Variants in HPSE2 observed in about 807,000 individuals in gnomAD.
HPSE2 encodes inactive heparanase-2.
HPSE2 carries 38 observed loss-of-function variants against 60.5 expected under a neutral mutation model. The ratio of observed to expected loss-of-function variants is 0.63; its 90% CI spans 0.48 to 0.82. The LOEUF is 0.82. HPSE2 is among the 40% of genes least tolerant of loss of function. The probability of loss-of-function intolerance (pLI) is 0.00; values close to 1 mark genes in which losing one functional copy is unlikely to be tolerated. For synonymous variants in HPSE2, 295 were observed against 293.2 expected (o/e 1.01, Z -0.06); for missense variants, 713 against 740.4 (o/e 0.96, Z 0.43).
chr10:98,701,244 T>C lies in HPSE2; in HGVS notation c.957-7297A>G, dbSNP rs1005653598. Among the ~76,000 whole-genome samples, 25 of 121,226 alleles carry C rather than the reference T, an allele frequency of 2.1e-4. 1 individual carries two copies. The highest frequency in any genetic ancestry group is 6.2e-4 in the African/African-American group (23 of 36,838). 79.5% of individuals were successfully genotyped at this position (121,226 alleles called of 152,430 possible). A position where few individuals can be genotyped will look rare whatever the true frequency, so the allele number is the denominator to read the frequency against. The stretch of plus-strand genomic sequence containing the variant: ...AGCAAAGACTTGGAACCAACCCAAA[T>C]GTCCAACAATGATAGACTGGATTAA... On this transcript the variant is annotated intron_variant, in intron 5 of 11. Transcript: ENST00000370552.
At chr10:98,636,171 T>C (rs1345268892) in intron 7 of HPSE2, among the ~76,000 whole-genome samples, 1 of 152,134 alleles carries the variant, frequency 6.6e-6, no homozygotes, top group Non-Finnish European at 1.5e-5. Flanking sequence ...GGCTAGAAGA[T>C]TTCGAATGTT....
chr10:98,741,885 C>T (rs1949506175), intron 4 of HPSE2, among the ~76,000 whole-genome samples: 1 of 151,938 alleles, frequency 6.6e-6, no homozygotes, highest in South Asian at 2.1e-4. Flanking sequence ...AATATTTTGC[C>T]CTGTTTGGAG....
At chr10:98,956,848 C>T (rs1429203811) in intron 3 of HPSE2, among the ~76,000 whole-genome samples, 1 of 152,000 alleles carries the variant, frequency 6.6e-6, no homozygotes, top group Admixed American at 6.6e-5. Context: ...GAAGCCTCAA[C>T]GATGAAAAGG....
chr10:99,290,105 A>G, the HPSE2 span, among the ~76,000 whole-genome samples: 681 of 152,338 alleles, frequency 4.5e-3, 10 homozygotes, highest in East Asian at 0.06. Context: ...TAAATTTTAA[A>G]TTATGAAAAT....
the HPSE2 span, among the ~76,000 whole-genome samples, chr10:99,240,903 C>T: frequency 6.6e-6 from 1 of 152,268 alleles, no homozygotes; most frequent in Admixed American, 6.5e-5. Context: ...ATGCTTTACA[C>T]TGTAACTAGG....
At chr10:98,503,537 T>A (rs544371543) in intron 9 of HPSE2, among the ~76,000 whole-genome samples, 88 of 152,256 alleles carry the variant, frequency 5.8e-4, no homozygotes, top group African/African-American at 2.1e-3. Flanking sequence ...GGAAAATAAG[T>A]CATTATATGA....
intron 2 of HPSE2, among the ~76,000 whole-genome samples, chr10:99,161,038 T>A (rs534069272): frequency 1.3e-5 from 2 of 148,282 alleles, no homozygotes; most frequent in Admixed American, 6.8e-5. Context: ...CTGGGCAACA[T>A]AAGGAGTCCC....
At chr10:98,525,239 GA>G (rs1942927742) in intron 9 of HPSE2, among the ~76,000 whole-genome samples, 5 of 152,170 alleles carry the variant, frequency 3.3e-5, no homozygotes, top group Admixed American at 2.6e-4. Context: ...TGGAACTCCT[GA>G]CCTCAGGAAA....
intron 11 of HPSE2, among the ~76,000 whole-genome samples, chr10:98,463,737 T>G (rs1035579065): frequency 6.6e-6 from 1 of 152,028 alleles, no homozygotes; most frequent in African/African-American, 2.4e-5. Context: ...CCCAGGACAT[T>G]GAGACTGCAG....
intron 2 of HPSE2, among the ~76,000 whole-genome samples, chr10:99,224,365 G>A: frequency 6.6e-6 from 1 of 151,554 alleles, no homozygotes; most frequent in Non-Finnish European, 1.5e-5. Context: ...CAAGTTCAGG[G>A]AATGAAACAC....
chr10:98,469,565 G>A (rs1428797220), intron 11 of HPSE2, among the ~76,000 whole-genome samples: 1 of 152,208 alleles, frequency 6.6e-6, no homozygotes, highest in Non-Finnish European at 1.5e-5. Flanking sequence ...GCAAATGTCT[G>A]AGCAGACACA....
At chr10:99,262,552 C>T in the HPSE2 span, among the ~76,000 whole-genome samples, 1 of 152,138 alleles carries the variant, frequency 6.6e-6, no homozygotes, top group South Asian at 2.1e-4. Flanking sequence ...AAAACCTCAT[C>T]ACCCTTACCC....
chr10:98,712,053 T>C (rs2134222273), intron 5 of HPSE2, among the ~76,000 whole-genome samples: 1 of 151,794 alleles, frequency 6.6e-6, no homozygotes, highest in Middle Eastern at 3.4e-3. Flanking sequence ...GAAAGCAGGG[T>C]TGTGAGGGAA....
At chr10:98,639,249 G>T (rs960157431) in intron 7 of HPSE2, among the ~76,000 whole-genome samples, 2 of 152,150 alleles carry the variant, frequency 1.3e-5, no homozygotes, top group Non-Finnish European at 1.5e-5. Flanking sequence ...CAGATATCAT[G>T]GAGCAGAGAC....
intron 6 of HPSE2, among the ~76,000 whole-genome samples, chr10:98,645,836 G>A (rs495451): frequency 0.14 from 21,176 of 152,024 alleles, 1,904 homozygotes; most frequent in East Asian, 0.23. Context: ...TAGCCGGGGC[G>A]TGGTGGGGGG....
chr10:98,865,081 ATTC>A (rs1303216837), intron 3 of HPSE2, among the ~76,000 whole-genome samples: 1 of 152,126 alleles, frequency 6.6e-6, no homozygotes, highest in Admixed American at 6.6e-5. Flanking sequence ...CATTAAAAAG[ATTC>A]TTAAGAGATG....
intron 11 of HPSE2, among the ~76,000 whole-genome samples, chr10:98,467,604 C>G (rs943353137): frequency 1.3e-5 from 2 of 152,076 alleles, no homozygotes; most frequent in Admixed American, 6.5e-5. Flanking sequence ...GTGTGCTTTC[C>G]TAGGGGCCAC....
At chr10:99,150,859 C>T (rs982828247) in intron 2 of HPSE2, among the ~76,000 whole-genome samples, 2 of 152,056 alleles carry the variant, frequency 1.3e-5, no homozygotes, top group Non-Finnish European at 2.9e-5. Context: ...TGCCACAAAA[C>T]TTAATGTGTT....
At chr10:98,640,383 C>T (rs1052903305) in intron 7 of HPSE2, among the ~76,000 whole-genome samples, 9 of 152,222 alleles carry the variant, frequency 5.9e-5, no homozygotes, top group African/African-American at 2.2e-4. Context: ...TGCACCTGAT[C>T]CCTGGAGGGA....
Sources: gnomAD v4.1 joint callset for allele counts (sites outside exome capture counted in the v4.1 genomes callset) on GRCh38, gnomAD v4.1.1 for gene constraint, MANE v1.5 for transcripts, NCBI Gene and HGNC (gene_info 2026-07-23, HGNC 2026-07-21) for gene names.